Variants in NOS1 observed in about 807,000 individuals in gnomAD.
NOS1 encodes the protein nitric oxide synthase 1, also known as NOS type I.
In NOS1, 51 loss-of-function variants were observed where a neutral mutation model predicts 164.5. The ratio of observed to expected loss-of-function variants is 0.31; its 90% CI spans 0.25 to 0.39. The LOEUF (loss-of-function observed/expected upper bound fraction) is 0.39, where lower values mean the gene tolerates loss of function less well. Ranked by LOEUF, NOS1 falls within the 10% of genes least tolerant of loss-of-function variation. NOS1 has a pLI of 1.00. For synonymous variants in NOS1, 719 were observed against 745.8 expected (o/e 0.96, Z 0.59); for missense variants, 1,362 against 1,885.6 (o/e 0.72, Z 5.14).
At chr12:117,290,509 T>C in intron 3 of NOS1, 83 bp from the exon 4 acceptor site, 1 of 1,487,080 alleles carries the variant, frequency 6.7e-7, no homozygotes, top group Non-Finnish European at 9.0e-7. Context: ...GGGAGAGCCA[T>C]TGTTCTTCCT....
chr12:117,326,203 T>C (rs1262719297), intron 2 of NOS1, among the ~76,000 whole-genome samples: 1 of 151,970 alleles, frequency 6.6e-6, no homozygotes. Flanking sequence ...CTGGCCAACA[T>C]GGCGAAACGC....
intron 8 of NOS1, 87 bp downstream of exon 8, chr12:117,280,638 G>C: frequency 7.3e-7 from 1 of 1,377,344 alleles, no homozygotes; most frequent in Non-Finnish European, 1.0e-6. Flanking sequence ...GATCTCCTGT[G>C]ATGATAGCAT....
intron 2 of NOS1, among the ~76,000 whole-genome samples, chr12:117,329,774 G>A (rs1005458059): frequency 1.3e-5 from 2 of 152,252 alleles, no homozygotes; most frequent in African/African-American, 2.4e-5. Flanking sequence ...TTTAGGAACC[G>A]GGGCCAGTTC....
intron 3 of NOS1, among the ~76,000 whole-genome samples, chr12:117,307,474 C>T (rs1381080560): frequency 6.6e-6 from 1 of 152,126 alleles, no homozygotes; most frequent in African/African-American, 2.4e-5. Flanking sequence ...GATACTCCCG[C>T]CTCAACCTCC....
intron 28 of NOS1, among the ~76,000 whole-genome samples, chr12:117,216,032 C>T (rs1956604648): frequency 6.6e-6 from 1 of 151,452 alleles, no homozygotes; most frequent in Admixed American, 6.6e-5. Flanking sequence ...CACATGCTAC[C>T]ACACCTGGCT....
In NOS1 at chr12:117,299,649, AG is replaced by A. The variant is rs71099042; in HGVS notation, c.853-9224del. On this transcript the variant is annotated intron_variant, in intron 3 of 28. Coordinates refer to ENST00000317775, the MANE Select transcript of NOS1 (RefSeq NM_000620.5). Reference sequence around the variant, plus strand: ...GACTTTGTCTCCAAAAAAAAAAAAAAGAAAAAAAGAAAGTTGACATTGCTTA... The same window carrying A: ...GACTTTGTCTCCAAAAAAAAAAAAAAAAAAAAAGAAAGTTGACATTGCTTA... Among the ~76,000 whole-genome samples the A allele has an allele frequency of 1.7e-3, 246 of 142,024 alleles. 8 individuals are homozygous for A. The East Asian group carries it at 0.025, about 14-fold the overall frequency. The allele number at this position is 142,024 out of a possible 152,430, so 93.2% of individuals were successfully genotyped here. A position where few individuals can be genotyped will look rare whatever the true frequency, so the allele number is the denominator to read the frequency against.
At chr12:117,231,140 T>C (rs551498384) in intron 22 of NOS1, among the ~76,000 whole-genome samples, 1 of 151,856 alleles carries the variant, frequency 6.6e-6, no homozygotes, top group Non-Finnish European at 1.5e-5. Context: ...TGAAACTCCA[T>C]CTCTACTAAA....
At chr12:117,302,330 C>T (rs61938727) in intron 3 of NOS1, among the ~76,000 whole-genome samples, 4,201 of 152,228 alleles carry the variant, frequency 0.028, 72 homozygotes, top group Non-Finnish European at 0.042. Context: ...CGCGGTGGCT[C>T]ACGCCTGTAA....
At chr12:117,267,502 G>C (rs1313040908) in intron 11 of NOS1, among the ~76,000 whole-genome samples, 1 of 151,780 alleles carries the variant, frequency 6.6e-6, no homozygotes, top group Non-Finnish European at 1.5e-5. Context: ...CAGGAGAATT[G>C]CTTGGACCCG....
intron 22 of NOS1, among the ~76,000 whole-genome samples, 178 bp downstream of exon 22, chr12:117,231,784 T>C (rs1360228872): frequency 1.3e-5 from 2 of 152,244 alleles, no homozygotes; most frequent in East Asian, 3.9e-4. Context: ...TGCCAGGCCT[T>C]AGAACTGGTG....
chr12:117,218,025 C>G, intron 28 of NOS1, 21 bp downstream of exon 28: 1 of 1,555,856 alleles, frequency 6.4e-7, no homozygotes, highest in Non-Finnish European at 8.9e-7. Context: ...TGCCCCTCAC[C>G]CAGGGATGGA....
rs771907015 is a variant in NOS1 at position 117,227,440 on chromosome 12, G to A, written c.3607C>T (p.Arg1203Cys). The A allele has an allele frequency of 9.9e-6, 16 of 1,613,748 alleles. No individual in the cohort carries two copies. The highest frequency in any genetic ancestry group is 1.3e-5 in the Non-Finnish European group (15 of 1,179,964). The change falls in exon 23 of 29, where the codon CGC (arginine) becomes TGC (cysteine). Residue 1203 changes from arginine (R) to cysteine (C), a missense_variant. By Grantham distance (180) the Arg-to-Cys change is radical (BLOSUM62 -3). Transcript: ENST00000317775. ...VHLTVAIVSY[R>C]TRDGEGPIHH... ...CAGTGCCTCCGCCCACCTCGAGTGC[G>A]GTAGGAAACGATGGCCACAGTGAGG...
intron 17 of NOS1, among the ~76,000 whole-genome samples, chr12:117,249,601 A>G (rs1271998862): frequency 3.3e-5 from 5 of 152,252 alleles, no homozygotes; most frequent in Non-Finnish European, 7.3e-5. Flanking sequence ...CTAAAAGGGA[A>G]TGAAATAGTT....
rs184244091 is a variant in NOS1, at chr12:117,280,427, C to T, written c.1524+298G>A. Among the ~76,000 whole-genome samples the T allele has an allele frequency of 1.8e-4, 27 of 152,298 alleles. 1 individual carries two copies. Among genetic ancestry groups the T allele is most frequent in the Admixed American group, 1.7e-3 (26 of 15,300 alleles). On this transcript the variant is annotated intron_variant, in intron 8 of 28. Coordinates refer to ENST00000317775, the MANE Select transcript of NOS1 (RefSeq NM_000620.5). ...GTAGTTCTAGCTTTTCTTCTCTACT[C>T]ATTTGGCAGTCTTGAGTAACTCACT... is the stretch of plus-strand genomic sequence containing the variant.
chr12:117,251,465 A>G (rs1264488031), intron 17 of NOS1, among the ~76,000 whole-genome samples: 3 of 152,164 alleles, frequency 2.0e-5, no homozygotes, highest in Non-Finnish European at 4.4e-5. Context: ...CAAGGAATGT[A>G]GTAGTAGCGT....
At chr12:117,231,242 G>A (rs900369593) in intron 22 of NOS1, among the ~76,000 whole-genome samples, 33 of 151,858 alleles carry the variant, frequency 2.2e-4, no homozygotes, top group African/African-American at 6.8e-4. Flanking sequence ...CTTTGAGCCC[G>A]GGGAAATGGA....
chr12:117,237,770 C>T (rs940471703), intron 20 of NOS1, among the ~76,000 whole-genome samples: 4 of 152,076 alleles, frequency 2.6e-5, no homozygotes, highest in African/African-American at 7.2e-5. Context: ...ATTCATTCCA[C>T]ACCTGTACAT....
intron 3 of NOS1, among the ~76,000 whole-genome samples, chr12:117,305,363 C>T (rs1403405418): frequency 5.3e-5 from 8 of 151,848 alleles, no homozygotes; most frequent in Admixed American, 5.2e-4. Context: ...ACTCGGGAGG[C>T]TGAGGCAGAA....
chr12:117,211,393 AC>A lies in NOS1; in HGVS notation c.*3915del. The A allele has an allele frequency of 1.0e-6, 1 of 984,112 alleles. No individual in the cohort carries two copies. Among genetic ancestry groups the A allele is most frequent in the Non-Finnish European group, 1.2e-6 (1 of 829,672 alleles). The allele number at this position is 984,112 out of a possible 1,614,324, so 61.0% of individuals were successfully genotyped here. On this transcript the variant is annotated 3_prime_UTR_variant, in exon 29 of 29. Transcript: ENST00000317775. ...CACTCAAGCCTTGGTTGCAGCAATA[AC>A]CCCCCCAACAGCTCAACGGGCCATG...
Sources: gnomAD v4.1 joint callset for allele counts (sites outside exome capture counted in the v4.1 genomes callset) on GRCh38, gnomAD v4.1.1 for gene constraint, MANE v1.5 for transcripts, NCBI Gene and HGNC (gene_info 2026-07-23, HGNC 2026-07-21) for gene names.